Variants in SRRM4 observed in about 807,000 individuals in gnomAD.
SRRM4 encodes serine/arginine repetitive matrix 4.
Under a neutral mutation model 68.9 loss-of-function variants are expected in SRRM4, and 33 were observed. The ratio of observed to expected loss-of-function variants is 0.48; its 90% confidence interval spans 0.36 to 0.64. The LOEUF (loss-of-function observed/expected upper bound fraction) is 0.64, where lower values mean the gene tolerates loss of function less well. Ranked by LOEUF, SRRM4 falls within the 30% of genes least tolerant of loss-of-function variation. The probability of loss-of-function intolerance (pLI) is 0.00; values close to 1 mark genes in which losing one functional copy is unlikely to be tolerated. For synonymous variants in SRRM4, 318 were observed against 318.8 expected (o/e 1.00, Z 0.03); for missense variants, 817 against 827.1 (o/e 0.99, Z 0.15).
At chr12:119,100,882 C>T (rs1474277334) in intron 1 of SRRM4, among the ~76,000 whole-genome samples, 1 of 152,166 alleles carries the variant, frequency 6.6e-6, no homozygotes. Flanking sequence ...TCTGGAAGCA[C>T]AGAGTTGGCA....
At chr12:119,131,839 G>C (rs1954300217) in intron 8 of SRRM4, among the ~76,000 whole-genome samples, 1 of 152,178 alleles carries the variant, frequency 6.6e-6, no homozygotes, top group African/African-American at 2.4e-5. Flanking sequence ...GCAGCAGGCA[G>C]CTGTGAAAGG....
chr12:119,097,263 G>A (rs1954051863), intron 1 of SRRM4, among the ~76,000 whole-genome samples: 1 of 152,264 alleles, frequency 6.6e-6, no homozygotes, highest in African/African-American at 2.4e-5. Flanking sequence ...TGGGGCTGTG[G>A]AGGGCTGAGG....
intron 1 of SRRM4, among the ~76,000 whole-genome samples, chr12:119,090,582 G>A (rs1954008813): frequency 6.6e-6 from 1 of 152,138 alleles, no homozygotes; most frequent in African/African-American, 2.4e-5. Flanking sequence ...TCTTCTGGAA[G>A]GGGCATCCCT....
Position 119,153,597 on chromosome 12 carries a change from A to G in SRRM4, c.1339A>G (p.Arg447Gly). The G allele has an allele frequency of 1.3e-6, 2 of 1,574,272 alleles. No homozygotes were observed. Among genetic ancestry groups the G allele is most frequent in the East Asian group, 4.8e-5 (2 of 42,098 alleles). The change falls in exon 11 of 13, where the codon AGA (arginine) becomes GGA (glycine). Residue 447 changes from arginine to glycine, a missense_variant. Transcript: ENST00000267260. The stretch of plus-strand genomic sequence containing the variant: ...GTCTGGCAAGAGGAGCCCGCCCAGC[A>G]GAAGCTCTAGGTCCCGCCGCAGCCC... ...SKSGKRSPPS[R>G]SSRSRRSPSY... is the part of the protein sequence containing the mutation.
At chr12:119,120,921 T>C (rs1435889471) in intron 5 of SRRM4, among the ~76,000 whole-genome samples, 1 of 152,202 alleles carries the variant, frequency 6.6e-6, no homozygotes, top group Non-Finnish European at 1.5e-5. Flanking sequence ...GGAGTGACGA[T>C]GGCTTCTTAA....
Position 119,145,531 on chromosome 12 carries a change from G to A in SRRM4, c.922G>A (p.Glu308Lys), listed in dbSNP as rs767600485. 3.1e-6 allele frequency: 5 copies of A among 1,608,450 alleles called. No individual in the cohort carries two copies. The South Asian group carries it at 3.3e-5, about 11-fold the overall frequency. Residue 308 changes from glutamate to lysine, a missense_variant, in exon 9 of 13, where the codon GAG (glutamate) becomes AAG (lysine). Coordinates refer to ENST00000267260, the MANE Select transcript of SRRM4 (RefSeq NM_194286.4). ...CAGCTCAGCCAGGTCTCGGGGCCAG[G>A]AGAAGGGGAGCCCCAGTGGGGGCTT... is the stretch of plus-strand genomic sequence containing the variant. ...QTSSARSRGQ[E>K]KGSPSGGLSK...
At chr12:119,050,487 A>T (rs182673473) in intron 1 of SRRM4, among the ~76,000 whole-genome samples, 1 of 152,210 alleles carries the variant, frequency 6.6e-6, no homozygotes, top group Non-Finnish European at 1.5e-5. Flanking sequence ...TTTCCTCTTG[A>T]GGTAATACGT....
intron 1 of SRRM4, among the ~76,000 whole-genome samples, chr12:119,043,575 T>C (rs948938397): frequency 1.4e-5 from 2 of 139,704 alleles, no homozygotes; most frequent in Non-Finnish European, 3.2e-5. Flanking sequence ...AATAAATAAA[T>C]ACATGCATAC....
rs76586640 is a variant in SRRM4 at position 119,027,496 on chromosome 12, A to G, written c.131+45483A>G. 4.4e-3 allele frequency among the ~76,000 whole-genome samples: 666 copies of G among 152,282 alleles called. 8 individuals are homozygous for G. Among genetic ancestry groups the G allele is most frequent in the African/African-American group, 0.015 (630 of 41,544 alleles). The stretch of plus-strand genomic sequence containing the variant: ...AGTAATCTTATCTTTTAAGATATTA[A>G]TATATGGCACAATGAGTCAGATCTA... On this transcript the variant is annotated intron_variant, in intron 1 of 12. Transcript: ENST00000267260.
chr12:118,990,989 G>A (rs560749043), intron 1 of SRRM4, among the ~76,000 whole-genome samples: 1 of 152,228 alleles, frequency 6.6e-6, no homozygotes, highest in African/African-American at 2.4e-5. Context: ...TTTTTTAGTA[G>A]AGACAGGGTT....
At chr12:119,061,444 A>G (rs559058720) in intron 1 of SRRM4, among the ~76,000 whole-genome samples, 1 of 152,296 alleles carries the variant, frequency 6.6e-6, no homozygotes, top group East Asian at 1.9e-4. Flanking sequence ...AACAGGCTGC[A>G]GTGAATCCAA....
intron 1 of SRRM4, among the ~76,000 whole-genome samples, chr12:118,983,460 C>T (rs140743944): frequency 8.1e-4 from 124 of 152,314 alleles, no homozygotes; most frequent in African/African-American, 2.9e-3. Flanking sequence ...TTCTCTGCTC[C>T]GAAGGAGGTT....
chr12:119,117,534 G>T (rs999292600), intron 4 of SRRM4, among the ~76,000 whole-genome samples: 2 of 152,062 alleles, frequency 1.3e-5, no homozygotes, highest in African/African-American at 4.8e-5. Context: ...TGGTGCATGG[G>T]GATGCAGTGA....
rs756218175 is a variant in SRRM4 at position 119,116,957 on chromosome 12, C to T, written c.386C>T (p.Ser129Leu). 23 of 1,613,732 alleles carry T rather than the reference C, an allele frequency of 1.4e-5. No homozygotes were observed. Among genetic ancestry groups the T allele is most frequent in the African/African-American group, 1.3e-4 (10 of 74,970 alleles). Residue 129 changes from serine (S) to leucine (L), a missense_variant, in exon 4 of 13, where the codon TCG becomes TTG. Physicochemically the swap from Ser to Leu is moderately radical, Grantham distance 145. Coordinates refer to ENST00000267260, the MANE Select transcript of SRRM4 (RefSeq NM_194286.4). Reference protein sequence around the residue: ...KRRRSSSYSPSPVKKKKKKSS... With the variant: ...KRRRSSSYSPLPVKKKKKKSS... ...GGCAGGTCCTCATCCTATAGCCCAT[C>T]GCCTGTCAAGAAAAAGAAGAAGAAA...
chr12:118,984,905 C>A (rs1290806120), intron 1 of SRRM4, among the ~76,000 whole-genome samples: 2 of 152,152 alleles, frequency 1.3e-5, no homozygotes. Flanking sequence ...AGCTGTGTAT[C>A]CTGAACAAAT....
intron 1 of SRRM4, among the ~76,000 whole-genome samples, chr12:119,002,148 T>C (rs1261104598): frequency 1.3e-5 from 2 of 152,088 alleles, no homozygotes; most frequent in Admixed American, 6.5e-5. Context: ...AACATGACGA[T>C]AGACGAAGTG....
chr12:119,030,311 TAATCC>T (rs1565893009), intron 1 of SRRM4, among the ~76,000 whole-genome samples: 7 of 152,182 alleles, frequency 4.6e-5, no homozygotes, highest in Non-Finnish European at 1.0e-4. Context: ...GGCAAAGAAG[TAATCC>T]GGTAGAGCTG....
At chr12:119,119,696 G>A (rs1386029792) in intron 4 of SRRM4, among the ~76,000 whole-genome samples, 1 of 152,112 alleles carries the variant, frequency 6.6e-6, no homozygotes, top group South Asian at 2.1e-4. Context: ...TACAGAACCT[G>A]GCACACAGTA....
At chr12:118,993,798 G>A (rs1024411989) in intron 1 of SRRM4, 35 of 152,314 alleles carry the variant, frequency 2.3e-4, no homozygotes, top group Middle Eastern at 3.4e-3. Flanking sequence ...TTGACAATGG[G>A]TTCATTGTAG....
Sources: allele counts gnomAD v4.1 joint callset (sites outside exome capture counted in the v4.1 genomes callset), GRCh38; gene constraint gnomAD v4.1.1; transcripts MANE v1.5; gene names NCBI Gene and HGNC (gene_info 2026-07-23, HGNC 2026-07-21).